Variants in FAM107B observed in about 807,000 individuals in gnomAD.
The protein encoded by FAM107B is family with sequence similarity 107 member B.
FAM107B carries 21 observed loss-of-function variants against 31.5 expected under a neutral mutation model. That is an observed-to-expected ratio of 0.67 (90% CI 0.47 to 0.96). FAM107B has a LOEUF of 0.96. Among genes scored for constraint, FAM107B ranks in the 40% least tolerant of loss-of-function variants. The probability of loss-of-function intolerance (pLI) is 0.00; values close to 1 mark genes in which losing one functional copy is unlikely to be tolerated. For missense variants in FAM107B, 452 were observed against 377.1 expected (o/e 1.20, Z -1.64); for synonymous variants, 157 against 141.5 (o/e 1.11, Z -0.78).
chr10:14,633,444 G>A (rs1016129565), intron 2 of FAM107B, among the ~76,000 whole-genome samples: 5 of 152,126 alleles, frequency 3.3e-5, no homozygotes, highest in Admixed American at 2.6e-4. Flanking sequence ...TACTGCAGAA[G>A]GTGTTCCAAG....
At chr10:14,547,102 C>T (rs1848763895) in intron 2 of FAM107B, among the ~76,000 whole-genome samples, 1 of 152,178 alleles carries the variant, frequency 6.6e-6, no homozygotes, top group Non-Finnish European at 1.5e-5. Flanking sequence ...AACAACAACC[C>T]CAAGTCTGCC....
intron 1 of FAM107B, among the ~76,000 whole-genome samples, chr10:14,767,795 A>C (rs535863385): frequency 6.6e-6 from 1 of 152,220 alleles, no homozygotes; most frequent in African/African-American, 2.4e-5. Flanking sequence ...CTTCTATTCA[A>C]TGCAGTATTG....
intron 2 of FAM107B, among the ~76,000 whole-genome samples, chr10:14,533,440 G>A (rs1156839277): frequency 1.3e-5 from 2 of 152,182 alleles, no homozygotes; most frequent in Non-Finnish European, 2.9e-5. Flanking sequence ...GACGTGTCGA[G>A]TCTGAGACGT....
Position 14,609,843 on chromosome 10 carries a change from T to C in FAM107B, c.469+57791A>G, listed in dbSNP as rs1852683030. On this transcript the variant is annotated intron_variant, in intron 2 of 4. Transcript: ENST00000181796. ...AGACAGATGCTCTTTAATATAAACA[T>C]AGAATGTGAGGGCAGGCAGAAGGTG... 2.6e-5 allele frequency among the ~76,000 whole-genome samples: 4 copies of C among 152,172 alleles called. No individual in the cohort carries two copies. The South Asian group carries it at 6.2e-4, about 24-fold the overall frequency.
At chr10:14,667,514 T>C (rs1854434479) in intron 2 of FAM107B, 120 bp downstream of exon 2, 1 of 968,306 alleles carries the variant, frequency 1.0e-6, no homozygotes, top group South Asian at 1.7e-5. Context: ...TTTCTAGTCA[T>C]GTTTCCAATC....
intron 2 of FAM107B, among the ~76,000 whole-genome samples, chr10:14,620,720 C>G (rs1325970226): frequency 3.3e-5 from 5 of 152,090 alleles, no homozygotes; most frequent in African/African-American, 1.2e-4. Flanking sequence ...TGTGATGTTC[C>G]CCTCCCTGTG....
At chr10:14,763,107 C>T (rs930306779) in intron 1 of FAM107B, among the ~76,000 whole-genome samples, 2 of 151,946 alleles carry the variant, frequency 1.3e-5, no homozygotes, top group Non-Finnish European at 2.9e-5. Flanking sequence ...ACTGATAATA[C>T]AAAACTTAGC....
At chr10:14,661,626 C>G (rs764132098) in intron 2 of FAM107B, 3 of 152,226 alleles carry the variant, frequency 2.0e-5, no homozygotes, top group East Asian at 3.9e-4. Context: ...GAGGGCAGAT[C>G]GTGGGATTTT....
chr10:14,704,019 G>A (rs1855464942), intron 1 of FAM107B, among the ~76,000 whole-genome samples: 2 of 152,200 alleles, frequency 1.3e-5, no homozygotes, highest in South Asian at 2.1e-4. Context: ...CTCCCAGTGG[G>A]TATTAAGTGA....
chr10:14,674,867 T>C (rs1854643900), intron 1 of FAM107B, among the ~76,000 whole-genome samples: 1 of 152,138 alleles, frequency 6.6e-6, no homozygotes, highest in Non-Finnish European at 1.5e-5. Context: ...CCTGAGAAGC[T>C]GGGGCTATAG....
At chr10:14,716,326 C>T (rs1448260963) in intron 1 of FAM107B, among the ~76,000 whole-genome samples, 2 of 152,172 alleles carry the variant, frequency 1.3e-5, no homozygotes, top group Non-Finnish European at 2.9e-5. Context: ...CACTGGGTTG[C>T]GGGATCCATT....
rs1267397576 is a variant in FAM107B at position 14,677,019 on chromosome 10, G to A, written c.412-9328C>T. 2.6e-5 allele frequency among the ~76,000 whole-genome samples: 4 copies of A among 152,096 alleles called. No homozygotes were observed. The East Asian group carries it at 7.7e-4, about 29-fold the overall frequency. On this transcript the variant is annotated intron_variant, in intron 1 of 4. Coordinates refer to ENST00000181796, the MANE Select transcript of FAM107B (RefSeq NM_031453.4). ...AGCTCTCCTTTCTCCAGAGCTCTCT[G>A]TGAAGTTGGCTGAAGCCTTCATCAA...
intron 2 of FAM107B, among the ~76,000 whole-genome samples, chr10:14,584,601 G>A (rs576409906): frequency 1.2e-4 from 19 of 152,314 alleles, no homozygotes; most frequent in South Asian, 4.1e-4. Flanking sequence ...AGGAACACAC[G>A]TGCAGTGCTC....
At chr10:14,629,420 T>C (rs368309009) in intron 2 of FAM107B, among the ~76,000 whole-genome samples, 7,017 of 16,458 alleles carry the variant, frequency 0.43, 909 homozygotes, top group African/African-American at 0.52. Context: ...ATATATATAA[T>C]ATATATAATA....
At chr10:14,600,520 A>G (rs1588648908) in intron 2 of FAM107B, among the ~76,000 whole-genome samples, 1 of 152,018 alleles carries the variant, frequency 6.6e-6, no homozygotes, top group African/African-American at 2.4e-5. Context: ...CCCACCTTCA[A>G]TGGCATTGAC....
chr10:14,570,291 T>G (rs992616349), intron 2 of FAM107B, among the ~76,000 whole-genome samples: 52 of 150,666 alleles, frequency 3.5e-4, no homozygotes, highest in African/African-American at 1.2e-3. Context: ...AGGTCAACAT[T>G]AGATTTTTAC....
At chr10:14,607,674 G>C (rs1254811101) in intron 2 of FAM107B, among the ~76,000 whole-genome samples, 1 of 152,198 alleles carries the variant, frequency 6.6e-6, no homozygotes, top group Non-Finnish European at 1.5e-5. Flanking sequence ...GGAACTAGTG[G>C]CCTAAATAGC....
intron 2 of FAM107B, chr10:14,553,496 G>T: frequency 1.9e-6 from 1 of 520,980 alleles, no homozygotes. Context: ...CACACCCTTA[G>T]CTCAAATTAA....
At chr10:14,629,375 TATATATA>T (rs1180929535) in intron 2 of FAM107B, among the ~76,000 whole-genome samples, 1 of 10,260 alleles carries the variant, frequency 9.7e-5, no homozygotes, top group Non-Finnish European at 2.2e-4. Flanking sequence ...ATATATTTAA[TATATATA>T]ATATATATAA....
Sources: gnomAD v4.1 joint callset for allele counts (sites outside exome capture counted in the v4.1 genomes callset) on GRCh38, gnomAD v4.1.1 for gene constraint, MANE v1.5 for transcripts, NCBI Gene and HGNC (gene_info 2026-07-23, HGNC 2026-07-21) for gene names.